The following COX10 variants were observed in gnomAD, a reference collection of about 807,000 sequenced individuals.
COX10 encodes cytochrome c oxidase assembly factor heme A:farnesyltransferase COX10, also known as protoheme IX farnesyltransferase, mitochondrial.
Under a neutral mutation model 37.3 loss-of-function variants are expected in COX10, and 27 were observed. The ratio of observed to expected loss-of-function variants is 0.72; its 90% CI spans 0.53 to 1.00. The LOEUF (loss-of-function observed/expected upper bound fraction) is 1.00, where lower values mean the gene tolerates loss of function less well. Among genes scored for constraint, COX10 ranks in the 50% least tolerant of loss-of-function variants. The pLI is 0.00. For missense variants in COX10, 475 were observed against 563.2 expected (o/e 0.84, Z 1.59); for synonymous variants, 222 against 229.1 (o/e 0.97, Z 0.28).
intron 4 of COX10, among the ~76,000 whole-genome samples, chr17:14,142,665 A>C (rs192220885): frequency 6.6e-6 from 1 of 152,296 alleles, no homozygotes; most frequent in African/African-American, 2.4e-5. Context: ...ACTCTTAATA[A>C]TTTGGAATTT....
intron 4 of COX10, among the ~76,000 whole-genome samples, chr17:14,136,501 G>A (rs778690656): frequency 1.3e-5 from 2 of 152,010 alleles, no homozygotes; most frequent in Non-Finnish European, 2.9e-5. Flanking sequence ...TTTGGCTTGT[G>A]TGGGACATAC....
At chr17:14,158,825 T>C (rs997168386) in intron 4 of COX10, among the ~76,000 whole-genome samples, 24 of 152,180 alleles carry the variant, frequency 1.6e-4, no homozygotes, top group African/African-American at 5.3e-4. Context: ...AGTACTGACT[T>C]CAGCCTTCCA....
chr17:14,140,489 A>G (rs1904506884), intron 4 of COX10, among the ~76,000 whole-genome samples: 1 of 151,922 alleles, frequency 6.6e-6, no homozygotes, highest in Non-Finnish European at 1.5e-5. Context: ...TTTCTCCTCT[A>G]TTTCTGTATG....
chr17:14,117,365 T>C (rs957071845), intron 4 of COX10, among the ~76,000 whole-genome samples: 5 of 152,210 alleles, frequency 3.3e-5, no homozygotes, highest in South Asian at 2.1e-4. Context: ...TAAAAAAATG[T>C]GTGAGGTGGT....
At chr17:14,144,266 TTTTG>T (rs1261320031) in intron 4 of COX10, among the ~76,000 whole-genome samples, 4 of 152,162 alleles carry the variant, frequency 2.6e-5, no homozygotes, top group Admixed American at 1.3e-4. Context: ...TCTGTTTGTT[TTTTG>T]TTTGTTTGTT....
intron 3 of COX10, among the ~76,000 whole-genome samples, chr17:14,080,504 C>T (rs1023781201): frequency 2.0e-5 from 3 of 152,182 alleles, no homozygotes; most frequent in Non-Finnish European, 2.9e-5. Context: ...TGAGCCACCG[C>T]ACCCGGCCAG....
chr17:14,207,861 A>C lies in COX10; in HGVS notation c.*648A>C, dbSNP rs1348747550. ...CAGCCCCTGTCCTCCCTTCACCCCC[A>C]TTGCGTATGAGCATTTCAGAACTCC... On this transcript the variant is annotated 3_prime_UTR_variant, in exon 7 of 7. Transcript: ENST00000261643. 6.6e-6 allele frequency: 1 copy of C among 152,576 alleles called. No individual in the cohort carries two copies. Among genetic ancestry groups the C allele is most frequent in the African/African-American group, 2.4e-5 (1 of 41,398 alleles). 9.5% of individuals were successfully genotyped at this position (152,576 alleles called of 1,614,324 possible).
intron 2 of COX10, among the ~76,000 whole-genome samples, chr17:14,074,905 C>T (rs553211162): frequency 1.3e-5 from 2 of 152,078 alleles, no homozygotes; most frequent in African/African-American, 2.4e-5. Flanking sequence ...TCAAACAATT[C>T]GACAGTTTTT....
At chr17:14,172,254 C>T (rs1217500393) in intron 5 of COX10, among the ~76,000 whole-genome samples, 1 of 150,000 alleles carries the variant, frequency 6.7e-6, no homozygotes, top group Non-Finnish European at 1.5e-5. Context: ...ATGTTGATTT[C>T]TTTCCTTTTG....
chr17:14,075,277 A>G (rs1317347154), intron 2 of COX10, among the ~76,000 whole-genome samples: 4 of 152,204 alleles, frequency 2.6e-5, no homozygotes. Context: ...GGAGAAATTC[A>G]AATATGTGTA....
intron 3 of COX10, among the ~76,000 whole-genome samples, chr17:14,077,563 T>C (rs929859374): frequency 6.6e-6 from 1 of 152,200 alleles, no homozygotes; most frequent in Admixed American, 6.5e-5. Flanking sequence ...CAGATTTTGT[T>C]TTTTAACCTA....
intron 4 of COX10, among the ~76,000 whole-genome samples, chr17:14,110,254 A>G (rs1002086553): frequency 5.9e-5 from 9 of 152,076 alleles, no homozygotes; most frequent in African/African-American, 1.9e-4. Context: ...GAATATATGT[A>G]TATATTTATG....
intron 6 of COX10, among the ~76,000 whole-genome samples, chr17:14,196,140 CT>C (rs1414586549): frequency 1.3e-5 from 2 of 152,114 alleles, no homozygotes; most frequent in African/African-American, 4.8e-5. Flanking sequence ...AGATCACCAC[CT>C]TTATAAACTG....
chr17:14,109,969 C>T (rs1039946735), intron 4 of COX10, among the ~76,000 whole-genome samples: 11 of 151,994 alleles, frequency 7.2e-5, no homozygotes, highest in African/African-American at 2.7e-4. Context: ...GCAGTTATCT[C>T]CAGTGTTGGT....
rs73979154 is a variant in COX10, at chr17:14,076,483, A to G, written c.178-252A>G. Among the ~76,000 whole-genome samples the G allele has an allele frequency of 0.018, 2,805 of 152,276 alleles. 88 individuals carry two copies. The highest frequency in any genetic ancestry group is 0.064 in the African/African-American group (2,640 of 41,532). The stretch of plus-strand genomic sequence containing the variant: ...TAAATTTATTTTTCTTTCAAGGAAC[A>G]TATATTTCTAGGCTTTTCTAAACTA... On this transcript the variant is annotated intron_variant, in intron 2 of 6. Coordinates refer to ENST00000261643, the MANE Select transcript of COX10 (RefSeq NM_001303.4).
At chr17:14,172,555 G>T (rs770154060) in intron 5 of COX10, among the ~76,000 whole-genome samples, 2 of 147,486 alleles carry the variant, frequency 1.4e-5, no homozygotes, top group East Asian at 2.0e-4. Flanking sequence ...TTGGCTATTC[G>T]TATGTCTTCT....
At chr17:14,139,159 G>C (rs1904468701) in intron 4 of COX10, among the ~76,000 whole-genome samples, 1 of 152,092 alleles carries the variant, frequency 6.6e-6, no homozygotes, top group Admixed American at 6.5e-5. Context: ...AATTGTTCTT[G>C]ATTTTTATAA....
chr17:14,099,404 G>A (rs925349602), intron 3 of COX10, among the ~76,000 whole-genome samples: 3 of 152,036 alleles, frequency 2.0e-5, no homozygotes, highest in Admixed American at 6.6e-5. Flanking sequence ...TGTTCATATG[G>A]TACAACTATA....
rs1162588563 is a variant in COX10, at chr17:14,207,185, GCGGGGACGCAGGGCCCCCTCC to G, written c.1306_1326del (p.Gly436_Pro442del). ...CTCACCTGCAAGCGGCCGAGCGGAG[GCGGGGACGCAGGGCCCCCTCC>G]CAGCTGAGAGCACTGGGACGCCCAC... On this transcript the variant is annotated inframe_deletion, in exon 7 of 7. Coordinates refer to ENST00000261643, the MANE Select transcript of COX10 (RefSeq NM_001303.4). 1 of 1,603,006 alleles carries G rather than the reference GCGGGGACGCAGGGCCCCCTCC, an allele frequency of 6.2e-7. No homozygotes were observed. Among genetic ancestry groups the G allele is most frequent in the African/African-American group, 1.3e-5 (1 of 74,856 alleles).
Sources: allele counts gnomAD v4.1 joint callset (sites outside exome capture counted in the v4.1 genomes callset), GRCh38; gene constraint gnomAD v4.1.1; transcripts MANE v1.5; gene names NCBI Gene and HGNC (gene_info 2026-07-23, HGNC 2026-07-21).